Variants in CNTNAP2 observed in about 807,000 individuals in gnomAD.
CNTNAP2 encodes the protein contactin-associated protein-like 2.
CNTNAP2 carries 98 observed loss-of-function variants against 155.2 expected under a neutral mutation model. That is an observed-to-expected ratio of 0.63 (90% CI 0.54 to 0.75). The LOEUF (loss-of-function observed/expected upper bound fraction) is 0.75, where lower values mean the gene tolerates loss of function less well. CNTNAP2 is among the 30% of genes least tolerant of loss of function. The probability of loss-of-function intolerance (pLI) is 0.00; values close to 1 mark genes in which losing one functional copy is unlikely to be tolerated. For missense variants in CNTNAP2, 1,727 were observed against 1,688.1 expected, an observed-to-expected ratio of 1.02 and a Z score of -0.40; for synonymous variants, 651 against 631.2, an observed-to-expected ratio of 1.03 and a Z score of -0.47.
intron 11 of CNTNAP2, among the ~76,000 whole-genome samples, chr7:147,559,226 A>C (rs1800012950): frequency 6.6e-6 from 1 of 152,278 alleles, no homozygotes; most frequent in African/African-American, 2.4e-5. Flanking sequence ...AGTGGCTGGT[A>C]GTATATTGTA....
At chr7:147,528,201 C>T (rs17170577) in intron 11 of CNTNAP2, among the ~76,000 whole-genome samples, 2 of 152,158 alleles carry the variant, frequency 1.3e-5, no homozygotes, top group Non-Finnish European at 2.9e-5. Flanking sequence ...AATAGTCAAA[C>T]TCAATTGTGG....
At chr7:147,177,733 C>T (rs1441355436) in intron 8 of CNTNAP2, among the ~76,000 whole-genome samples, 1 of 152,098 alleles carries the variant, frequency 6.6e-6, no homozygotes, top group East Asian at 1.9e-4. Flanking sequence ...GGATTGCTTT[C>T]TGCTTGCAGT....
intron 9 of CNTNAP2, among the ~76,000 whole-genome samples, chr7:147,372,289 T>A (rs1188597194): frequency 6.6e-6 from 1 of 152,132 alleles, no homozygotes; most frequent in Non-Finnish European, 1.5e-5. Context: ...TAAAAACAGC[T>A]TACCCTAGTG....
intron 1 of CNTNAP2, among the ~76,000 whole-genome samples, chr7:146,760,227 T>G (rs935300582): frequency 1.2e-4 from 18 of 152,138 alleles, no homozygotes; most frequent in Middle Eastern, 3.4e-3. Context: ...AGTGAATGAC[T>G]ACACACACTA....
At chr7:147,508,170 T>A (rs1409069502) in intron 11 of CNTNAP2, among the ~76,000 whole-genome samples, 1 of 152,172 alleles carries the variant, frequency 6.6e-6, no homozygotes, top group African/African-American at 2.4e-5. Flanking sequence ...AGAAATGTAA[T>A]AAATTATTAT....
chr7:146,523,653 A>T (rs1288227197), intron 1 of CNTNAP2, among the ~76,000 whole-genome samples: 1 of 152,176 alleles, frequency 6.6e-6, no homozygotes, highest in Non-Finnish European at 1.5e-5. Context: ...AATAATACAA[A>T]TATAGTGTCA....
At chr7:146,851,274 G>T (rs6972906) in intron 3 of CNTNAP2, among the ~76,000 whole-genome samples, 49,127 of 151,876 alleles carry the variant, frequency 0.32, 8,436 homozygotes, top group African/African-American at 0.46. Flanking sequence ...CATGAGCCAC[G>T]GCACCTGGGC....
At chr7:147,403,553 G>A (rs373386342) in intron 10 of CNTNAP2, among the ~76,000 whole-genome samples, 61 of 152,256 alleles carry the variant, frequency 4.0e-4, no homozygotes, top group African/African-American at 1.3e-3. Flanking sequence ...CTGAGGTGAC[G>A]AAGGGAGGGT....
chr7:148,180,019 G>C (rs1433963151), intron 18 of CNTNAP2, among the ~76,000 whole-genome samples: 1 of 152,182 alleles, frequency 6.6e-6, no homozygotes, highest in African/African-American at 2.4e-5. Flanking sequence ...GCAGGTTGGA[G>C]AGAAAATTAA....
chr7:146,411,156 GAT>G (rs1491370299), intron 1 of CNTNAP2, among the ~76,000 whole-genome samples: 5 of 113,428 alleles, frequency 4.4e-5, no homozygotes, highest in African/African-American at 2.1e-4. Flanking sequence ...GAATAGAGTA[GAT>G]TTTTTTTTTT....
At chr7:147,359,769 T>C (rs936256379) in intron 9 of CNTNAP2, among the ~76,000 whole-genome samples, 1 of 152,068 alleles carries the variant, frequency 6.6e-6, no homozygotes, top group Admixed American at 6.6e-5. Flanking sequence ...TGTCACCTTC[T>C]TGATGAAGCC....
chr7:148,383,513 A>G (rs192921994), intron 21 of CNTNAP2, 136 bp from the exon 22 acceptor site: 6 of 1,279,132 alleles, frequency 4.7e-6, no homozygotes, highest in East Asian at 2.4e-5. Context: ...ACCCATTAAT[A>G]TTTCATCCAA....
intron 11 of CNTNAP2, among the ~76,000 whole-genome samples, chr7:147,558,305 A>G (rs1799989922): frequency 6.6e-6 from 1 of 152,162 alleles, no homozygotes; most frequent in Admixed American, 6.5e-5. Context: ...TAACCTTATC[A>G]TATGTACAAT....
chr7:146,292,794 A>G (rs904533718), intron 1 of CNTNAP2, among the ~76,000 whole-genome samples: 16 of 152,196 alleles, frequency 1.1e-4, no homozygotes, highest in African/African-American at 3.1e-4. Context: ...AATACGTTAT[A>G]CTCTCACGTA....
chr7:148,009,412 G>C (rs1441903156), intron 15 of CNTNAP2, among the ~76,000 whole-genome samples: 2 of 152,116 alleles, frequency 1.3e-5, no homozygotes, highest in Non-Finnish European at 2.9e-5. Flanking sequence ...CATAAGTCAG[G>C]GTTCATCTGT....
rs115675193 is a variant in CNTNAP2, at chr7:147,979,078, G to A, written c.2383+1089G>A. 6.9e-3 allele frequency among the ~76,000 whole-genome samples: 1,044 copies of A among 152,270 alleles called. 13 individuals are homozygous for A. The highest frequency in any genetic ancestry group is 0.024 in the African/African-American group (1,007 of 41,550). ...CACTCAAAGAGATGTCCTAAGGAAC[G>A]TAATGATGCATGCTTAACAGTTTCC... On this transcript the variant is annotated intron_variant, in intron 15 of 23. Coordinates refer to ENST00000361727, the MANE Select transcript of CNTNAP2 (RefSeq NM_014141.6).
intron 2 of CNTNAP2, among the ~76,000 whole-genome samples, chr7:146,825,090 T>C (rs1803375330): frequency 6.6e-6 from 1 of 151,988 alleles, no homozygotes; most frequent in Non-Finnish European, 1.5e-5. Flanking sequence ...GTGTGTGTAC[T>C]TATCCTAATG....
intron 8 of CNTNAP2, among the ~76,000 whole-genome samples, chr7:147,296,763 C>G (rs989067689): frequency 4.6e-5 from 7 of 152,092 alleles, no homozygotes; most frequent in African/African-American, 1.7e-4. Flanking sequence ...GGAGGTGAGA[C>G]AAGTTGGGGT....
chr7:148,132,383 ATT>A (rs200853173), intron 16 of CNTNAP2, among the ~76,000 whole-genome samples: 2,920 of 141,966 alleles, frequency 0.021, 100 homozygotes, highest in African/African-American at 0.069. Flanking sequence ...TAATTTTTTA[ATT>A]TTTTTTTTTT....
Sources: gnomAD v4.1 joint callset for allele counts (sites outside exome capture counted in the v4.1 genomes callset) on GRCh38, gnomAD v4.1.1 for gene constraint, MANE v1.5 for transcripts, NCBI Gene and HGNC (gene_info 2026-07-23, HGNC 2026-07-21) for gene names.